GABPB1: variants seen among roughly 807,000 people sequenced by gnomAD.
GABPB1 encodes the protein GA binding protein transcription factor subunit beta 1.
GABPB1 carries 15 observed loss-of-function variants against 45.9 expected under a neutral mutation model. The ratio of observed to expected loss-of-function variants is 0.33; its 90% CI spans 0.22 to 0.50. GABPB1 has a LOEUF of 0.50. Among genes scored for constraint, GABPB1 ranks in the 20% least tolerant of loss-of-function variants. The pLI, the probability that GABPB1 is intolerant of heterozygous loss-of-function variation, is 0.98. For synonymous variants in GABPB1, 143 were observed against 154.4 expected, an observed-to-expected ratio of 0.93 and a Z score of 0.55; for missense variants, 252 against 457.5, an observed-to-expected ratio of 0.55 and a Z score of 4.10.
At chr15:50,278,854 T>A in intron 8 of GABPB1, 70 bp from the exon 9 acceptor site, 12 of 1,101,556 alleles carry the variant, frequency 1.1e-5, no homozygotes, top group South Asian at 1.7e-5. Flanking sequence ...TAAGCATGCA[T>A]CCTTCAAATT....
chr15:50,321,808 T>C (rs137858985), intron 1 of GABPB1, among the ~76,000 whole-genome samples: 324 of 152,320 alleles, frequency 2.1e-3, no homozygotes, highest in African/African-American at 7.5e-3. Context: ...TCATAATGTT[T>C]GCCTTTTTTA....
At position 50,328,497 on chromosome 15, in the gene GABPB1, A is replaced by T. The variant is rs532463022; in HGVS notation, c.1-18699T>A. 1.7e-4 allele frequency among the ~76,000 whole-genome samples: 26 copies of T among 152,296 alleles called. No individual in the cohort carries two copies. The East Asian group carries it at 5.0e-3, about 29-fold the overall frequency. ...CAAACTAAGTCTCTGAAGTTAATTA[A>T]AATTCGGATTTAATATTTTAGACAA... On this transcript the variant is annotated intron_variant, in intron 1 of 8. Coordinates refer to ENST00000380877, the MANE Select transcript of GABPB1 (RefSeq NM_016654.5).
rs71424054 is a variant in GABPB1, at chr15:50,322,383, C to CA, written c.1-12586dup. Among the ~76,000 whole-genome samples, 342 of 146,354 alleles carry CA rather than the reference C, an allele frequency of 2.3e-3. 1 individual carries two copies. Among genetic ancestry groups the CA allele is most frequent in the Non-Finnish European group, 3.3e-3 (218 of 66,036 alleles). ...ACCCTGGCCAACATGGTGAAAAATACAAAAAAAAAAAAATTAGCCGGGCAT... is the reference window on the plus strand; with the variant it reads ...ACCCTGGCCAACATGGTGAAAAATACAAAAAAAAAAAAAATTAGCCGGGCAT... On this transcript the variant is annotated intron_variant, in intron 1 of 8. Transcript: ENST00000380877.
At chr15:50,293,798 T>C (rs2046424276) in intron 6 of GABPB1, among the ~76,000 whole-genome samples, 1 of 152,196 alleles carries the variant, frequency 6.6e-6, no homozygotes, top group Non-Finnish European at 1.5e-5. Flanking sequence ...TAAAAAGCTT[T>C]CTTTTTAAGT....
chr15:50,349,858 T>C (rs1187323624), intron 1 of GABPB1: 2 of 152,220 alleles, frequency 1.3e-5, no homozygotes, highest in Admixed American at 6.5e-5. Flanking sequence ...TTGTAGAAGT[T>C]AGAAAATTTG....
At chr15:50,342,003 A>G (rs533105435) in intron 1 of GABPB1, among the ~76,000 whole-genome samples, 7 of 152,144 alleles carry the variant, frequency 4.6e-5, no homozygotes, top group Non-Finnish European at 8.8e-5. Flanking sequence ...TTGGATTTAT[A>G]TTTTAATACA....
At chr15:50,282,563 A>AAAAAAAAAAAAAAAAAAAAAAAC (rs1222633505) in intron 8 of GABPB1, among the ~76,000 whole-genome samples, 1 of 149,702 alleles carries the variant, frequency 6.7e-6, no homozygotes, top group Non-Finnish European at 1.5e-5. Flanking sequence ...TAAAAAAGAA[A>AAAAAAAAAAAAAAAAAAAAAAAC]AAAAAAAAAA....
intron 1 of GABPB1, among the ~76,000 whole-genome samples, chr15:50,323,873 A>C (rs762793735): frequency 5.3e-5 from 8 of 152,098 alleles, no homozygotes; most frequent in Non-Finnish European, 1.2e-4. Context: ...TCCTGTCATT[A>C]ATTAATTAAT....
chr15:50,294,851 T>C (rs533610127), intron 6 of GABPB1, among the ~76,000 whole-genome samples: 15 of 152,276 alleles, frequency 9.9e-5, no homozygotes, highest in Admixed American at 9.2e-4. Context: ...AGCCACCAGA[T>C]GCATTACACC....
At chr15:50,337,065 ATATGTGTG>A (rs1364962774) in intron 1 of GABPB1, among the ~76,000 whole-genome samples, 19 of 14,974 alleles carry the variant, frequency 1.3e-3, no homozygotes, top group African/African-American at 4.9e-3. Flanking sequence ...AATTACATGT[ATATGTGTG>A]TGTATATATA....
At chr15:50,283,133 C>T (rs2046042319) in intron 8 of GABPB1, among the ~76,000 whole-genome samples, 2 of 152,148 alleles carry the variant, frequency 1.3e-5, no homozygotes, top group Admixed American at 6.5e-5. Context: ...CCTGAAGTCA[C>T]ACAATAAAGT....
chr15:50,304,864 T>C (rs2046887279), intron 2 of GABPB1, among the ~76,000 whole-genome samples: 1 of 152,212 alleles, frequency 6.6e-6, no homozygotes, highest in Admixed American at 6.5e-5. Flanking sequence ...ACATTTTTAC[T>C]TTAAGTGGAT....
intron 1 of GABPB1, chr15:50,351,494 G>C (rs1318917857): frequency 6.6e-6 from 1 of 152,152 alleles, no homozygotes; most frequent in Admixed American, 6.5e-5. Context: ...AGGCAGGATC[G>C]CTCGAGCCTG....
At chr15:50,326,922 C>T (rs989528824) in intron 1 of GABPB1, among the ~76,000 whole-genome samples, 4 of 152,008 alleles carry the variant, frequency 2.6e-5, no homozygotes, top group African/African-American at 9.7e-5. Context: ...AAAAACCATA[C>T]GAGGAGACAG....
intron 6 of GABPB1, 87 bp from the exon 7 acceptor site, chr15:50,289,755 C>T (rs1245251330): frequency 5.2e-6 from 5 of 967,146 alleles, no homozygotes; most frequent in East Asian, 2.5e-5. Flanking sequence ...CTTTTGCTTT[C>T]TATGCTTCTT....
intron 8 of GABPB1, among the ~76,000 whole-genome samples, chr15:50,280,411 A>G (rs1460886705): frequency 6.6e-6 from 1 of 152,194 alleles, no homozygotes; most frequent in African/African-American, 2.4e-5. Context: ...CCCAGGAGCT[A>G]GACCACAGCT....
intron 6 of GABPB1, among the ~76,000 whole-genome samples, chr15:50,300,325 C>G (rs1041973505): frequency 6.6e-6 from 1 of 151,996 alleles, no homozygotes; most frequent in Admixed American, 6.6e-5. Context: ...GTCACAGATG[C>G]CTCCCTGCCC....
chr15:50,304,143 A>AT lies in GABPB1; in HGVS notation c.109-11_109-10insA. The AT allele has an allele frequency of 6.4e-7, 1 of 1,556,358 alleles. No individual in the cohort carries two copies. ...GTGGAGAAGTTCCCAGCTGTACCAC[A>AT]GAAAAAAAAAAAAATCCACATTTAC... On this transcript the variant is annotated splice_polypyrimidine_tract_variant and intron_variant, in intron 2 of 8. Transcript: ENST00000380877.
intron 2 of GABPB1, among the ~76,000 whole-genome samples, chr15:50,308,225 T>C (rs935026146): frequency 1.3e-5 from 2 of 152,236 alleles, no homozygotes; most frequent in African/African-American, 4.8e-5. Flanking sequence ...TGAAGGCAGG[T>C]TCCTCCAGAG....
Sources: gnomAD v4.1 joint callset for allele counts (sites outside exome capture counted in the v4.1 genomes callset) on GRCh38, gnomAD v4.1.1 for gene constraint, MANE v1.5 for transcripts, NCBI Gene and HGNC (gene_info 2026-07-23, HGNC 2026-07-21) for gene names.